BBS9: variants seen among roughly 807,000 people sequenced by gnomAD.
BBS9 encodes protein PTHB1.
Under a neutral mutation model 117.7 loss-of-function variants are expected in BBS9, and 89 were observed. The observed-to-expected ratio is 0.76, with a 90% CI of 0.64 to 0.90. The LOEUF (loss-of-function observed/expected upper bound fraction) is 0.90. Ranked by LOEUF, BBS9 falls within the 40% of genes least tolerant of loss-of-function variation. BBS9 has a pLI of 0.00. For missense variants in BBS9, 982 were observed against 1,042.2 expected (o/e 0.94, Z 0.80); for synonymous variants, 379 against 370.9 (o/e 1.02, Z -0.25).
chr7:33,268,537 G>T (rs1413706974), intron 7 of BBS9, among the ~76,000 whole-genome samples: 1 of 152,136 alleles, frequency 6.6e-6, no homozygotes, highest in Non-Finnish European at 1.5e-5. Flanking sequence ...GGTGTCCAGT[G>T]CCTTGCAAAC....
chr7:33,249,277 T>A (rs1312905592), intron 5 of BBS9, among the ~76,000 whole-genome samples: 1 of 151,582 alleles, frequency 6.6e-6, no homozygotes, highest in African/African-American at 2.4e-5. Flanking sequence ...ACTTCATGAA[T>A]AGATTGTAAT....
In BBS9 at chr7:33,146,223, A is replaced by G. The variant is rs779974344; in HGVS notation, c.-11-19A>G. The G allele has an allele frequency of 1.3e-6, 2 of 1,513,776 alleles. No homozygotes were observed. The highest frequency in any genetic ancestry group is 2.2e-5 in the South Asian group (2 of 88,956). 93.8% of individuals were successfully genotyped at this position (1,513,776 alleles called of 1,614,324 possible). ...AGTTCATAGTGTGAAGTAGATTATT[A>G]TAAATGTTTTCTTTTTAGTGTGAAA... On this transcript the variant is annotated intron_variant, in intron 1 of 22. Coordinates refer to ENST00000242067, the MANE Select transcript of BBS9 (RefSeq NM_198428.3).
chr7:33,405,792 C>T (rs367906112), intron 19 of BBS9, among the ~76,000 whole-genome samples: 14 of 152,074 alleles, frequency 9.2e-5, no homozygotes, highest in African/African-American at 2.9e-4. Flanking sequence ...TTTCAAAAAA[C>T]CAGCTCCTGG....
chr7:33,443,177 T>C lies in BBS9; in HGVS notation c.2115+55033T>C, dbSNP rs78691278. Among the ~76,000 whole-genome samples, 1,357 of 152,280 alleles carry C rather than the reference T, an allele frequency of 8.9e-3. 7 individuals carry two copies. The highest frequency in any genetic ancestry group is 0.015 in the Non-Finnish European group (987 of 68,022). Reference sequence around the variant, plus strand: ...TTGATTTTGGTAAAAATGGAACTTGTTTTAAGCCAAATATCTTAAAACCCA... The same window carrying C: ...TTGATTTTGGTAAAAATGGAACTTGCTTTAAGCCAAATATCTTAAAACCCA... On this transcript the variant is annotated intron_variant, in intron 19 of 22. Transcript: ENST00000242067.
chr7:33,130,532 A>G (rs912145537), intron 1 of BBS9, among the ~76,000 whole-genome samples: 3 of 152,168 alleles, frequency 2.0e-5, no homozygotes, highest in African/African-American at 7.2e-5. Context: ...TTTTTTGGGT[A>G]TCTCACTTTT....
intron 4 of BBS9, among the ~76,000 whole-genome samples, chr7:33,168,481 T>G (rs1220731028): frequency 6.6e-6 from 1 of 152,196 alleles, no homozygotes; most frequent in Non-Finnish European, 1.5e-5. Context: ...AATGAAAATA[T>G]TTTACTGTGT....
At chr7:33,303,535 T>A (rs1807018264) in intron 9 of BBS9, among the ~76,000 whole-genome samples, 1 of 38,210 alleles carries the variant, frequency 2.6e-5, no homozygotes, top group Non-Finnish European at 5.4e-5. Context: ...CCCCGCCCCT[T>A]CTTTCTTTGG....
At chr7:33,272,779 G>A (rs898157545) in intron 7 of BBS9, among the ~76,000 whole-genome samples, 1 of 151,966 alleles carries the variant, frequency 6.6e-6, no homozygotes, top group East Asian at 1.9e-4. Flanking sequence ...TTCTTGAATT[G>A]CAGAATAGTT....
At chr7:33,161,497 C>T (rs377204740) in intron 4 of BBS9, among the ~76,000 whole-genome samples, 6 of 152,298 alleles carry the variant, frequency 3.9e-5, no homozygotes, top group African/African-American at 4.8e-5. Flanking sequence ...ATATGGGCTA[C>T]ATTTTCTTAA....
chr7:33,561,438 C>T (rs1585261581), intron 21 of BBS9, among the ~76,000 whole-genome samples: 1 of 152,292 alleles, frequency 6.6e-6, no homozygotes, highest in Middle Eastern at 3.4e-3. Flanking sequence ...ACAGTTTTCT[C>T]TTTTCCTCTA....
intron 20 of BBS9, among the ~76,000 whole-genome samples, chr7:33,521,747 CTT>C (rs568390639): frequency 7.0e-6 from 1 of 143,652 alleles, no homozygotes. Context: ...TTTTCTTTTT[CTT>C]TTTTTTTTTA....
At chr7:33,446,216 T>G (rs530196018) in intron 19 of BBS9, among the ~76,000 whole-genome samples, 4 of 152,062 alleles carry the variant, frequency 2.6e-5, no homozygotes, top group Non-Finnish European at 4.4e-5. Flanking sequence ...TACAGGTGAG[T>G]AAAGGAGGCC....
intron 5 of BBS9, among the ~76,000 whole-genome samples, chr7:33,200,611 G>T (rs1785678975): frequency 6.6e-6 from 1 of 152,030 alleles, no homozygotes; most frequent in Non-Finnish European, 1.5e-5. Flanking sequence ...ATTCCTGAAG[G>T]TTTTCCTGGC....
At chr7:33,179,449 C>G (rs1797788617) in intron 5 of BBS9, among the ~76,000 whole-genome samples, 1 of 152,128 alleles carries the variant, frequency 6.6e-6, no homozygotes, top group African/African-American at 2.4e-5. Context: ...CGCCTTCTGT[C>G]AGATCTGGCT....
intron 18 of BBS9, 25 bp downstream of exon 18, chr7:33,383,863 A>G: frequency 6.2e-7 from 1 of 1,600,816 alleles, no homozygotes; most frequent in South Asian, 1.1e-5. Flanking sequence ...AACCCACATC[A>G]TCTATAATCC....
intron 21 of BBS9, among the ~76,000 whole-genome samples, chr7:33,623,633 A>G (rs1267262372): frequency 6.6e-6 from 1 of 152,220 alleles, no homozygotes; most frequent in Admixed American, 6.5e-5. Context: ...AAAGGCATCA[A>G]CTGTAGATTT....
At chr7:33,262,489 T>C (rs577658169) in intron 6 of BBS9, among the ~76,000 whole-genome samples, 53 of 152,246 alleles carry the variant, frequency 3.5e-4, no homozygotes, top group African/African-American at 1.1e-3. Context: ...TTGCTATGAA[T>C]TGGGAATAGG....
At chr7:33,283,571 A>G (rs1375589067) in intron 9 of BBS9, among the ~76,000 whole-genome samples, 3 of 152,138 alleles carry the variant, frequency 2.0e-5, no homozygotes, top group African/African-American at 7.2e-5. Flanking sequence ...TTCTCCAAAC[A>G]ATGAAAAAAA....
intron 5 of BBS9, among the ~76,000 whole-genome samples, chr7:33,249,502 A>ATT (rs35873822): frequency 4.7e-5 from 7 of 148,344 alleles, no homozygotes; most frequent in East Asian, 3.9e-4. Flanking sequence ...ACAGGCATGA[A>ATT]TTTTTTTTTT....
Sources: gnomAD v4.1 joint callset for allele counts (sites outside exome capture counted in the v4.1 genomes callset) on GRCh38, gnomAD v4.1.1 for gene constraint, MANE v1.5 for transcripts, NCBI Gene and HGNC (gene_info 2026-07-23, HGNC 2026-07-21) for gene names.